Variants in HSD17B2 observed in about 807,000 individuals in gnomAD.
HSD17B2 encodes 17-beta-hydroxysteroid dehydrogenase type 2.
In HSD17B2, 32 loss-of-function variants were observed where a neutral mutation model predicts 26.9. That is an observed-to-expected ratio of 1.19 (90% CI 0.90 to 1.60). HSD17B2 has a LOEUF of 1.60. Among genes scored for constraint, HSD17B2 ranks in the 40% most tolerant of loss-of-function variants. HSD17B2 has a pLI of 0.00. For synonymous variants in HSD17B2, 246 were observed against 186.7 expected (o/e 1.32, Z -2.59); for missense variants, 613 against 468.6 (o/e 1.31, Z -2.85).
At chr16:82,048,752 A>G (rs1914015702) in intron 1 of HSD17B2, among the ~76,000 whole-genome samples, 1 of 152,242 alleles carries the variant, frequency 6.6e-6, no homozygotes, top group African/African-American at 2.4e-5. Flanking sequence ...TAGAAAGGCA[A>G]TTTACTTATA....
chr16:82,085,749 G>T (rs62046326), intron 3 of HSD17B2, among the ~76,000 whole-genome samples: 41,704 of 151,932 alleles, frequency 0.27, 6,564 homozygotes, highest in Non-Finnish European at 0.36. Context: ...CTAAGATTCT[G>T]CATGTCTATA....
At chr16:82,097,613 T>C (rs1272402058) in intron 4 of HSD17B2, 1 of 152,228 alleles carries the variant, frequency 6.6e-6, no homozygotes, top group Non-Finnish European at 1.5e-5. Context: ...TTAGAAATGA[T>C]AATAAATGCC....
intron 3 of HSD17B2, among the ~76,000 whole-genome samples, chr16:82,077,107 A>G (rs1477396274): frequency 6.6e-6 from 1 of 152,266 alleles, no homozygotes; most frequent in Non-Finnish European, 1.5e-5. Flanking sequence ...AAATCTATAG[A>G]TTCAATGCAA....
At chr16:82,044,821 A>G (rs1913871765) in intron 1 of HSD17B2, among the ~76,000 whole-genome samples, 1 of 152,124 alleles carries the variant, frequency 6.6e-6, no homozygotes. Flanking sequence ...CTAGGTCCAG[A>G]AAACCAACAC....
rs940015483 is a variant in HSD17B2 at position 82,078,422 on chromosome 16, G to A, written c.664+7295G>A. Among the ~76,000 whole-genome samples the A allele has an allele frequency of 2.0e-5, 3 of 152,198 alleles. No individual in the cohort carries two copies. In the South Asian group the frequency reaches 6.2e-4, roughly 31 times the overall value. On this transcript the variant is annotated intron_variant, in intron 3 of 4. Transcript: ENST00000199936. ...AAGGATGTGGAGAAAGAGAACCCTT[G>A]TACACTGTTCATGGGGATGTAAATT...
At position 82,055,487 on chromosome 16, in the gene HSD17B2, A is replaced by G. The variant is rs143035768; in HGVS notation, c.266-12683A>G. ...GAAGAGTACATGGCACATGCTCAAC[A>G]AAGAGCTATTGAAAGAATGAGGTAA... On this transcript the variant is annotated intron_variant, in intron 1 of 4. Transcript: ENST00000199936. Among the ~76,000 whole-genome samples, 616 of 152,130 alleles carry G rather than the reference A, an allele frequency of 4.0e-3. 2 individuals are homozygous for G. Among genetic ancestry groups the G allele is most frequent in the African/African-American group, 0.014 (588 of 41,388 alleles).
At chr16:82,068,948 C>T (rs1447328335) in intron 2 of HSD17B2, among the ~76,000 whole-genome samples, 2 of 152,126 alleles carry the variant, frequency 1.3e-5, no homozygotes, top group Non-Finnish European at 2.9e-5. Flanking sequence ...GTTACACGTG[C>T]AGGATGTGCT....
chr16:82,050,879 G>T (rs1239427234), intron 1 of HSD17B2, among the ~76,000 whole-genome samples: 1 of 152,034 alleles, frequency 6.6e-6, no homozygotes, highest in Non-Finnish European at 1.5e-5. Context: ...TTTGTCGTTG[G>T]AACTTTTCTG....
intron 3 of HSD17B2, among the ~76,000 whole-genome samples, chr16:82,073,483 C>G (rs1298191159): frequency 6.6e-6 from 1 of 152,090 alleles, no homozygotes. Context: ...CTCAGCCCCC[C>G]AAAGTTCTGG....
At chr16:82,062,328 C>T (rs1160370638) in intron 1 of HSD17B2, among the ~76,000 whole-genome samples, 2 of 152,152 alleles carry the variant, frequency 1.3e-5, no homozygotes, top group African/African-American at 4.8e-5. Context: ...AGTTTAACAC[C>T]AACCTCAGCA....
At chr16:82,090,410 T>C (rs935843377) in intron 3 of HSD17B2, among the ~76,000 whole-genome samples, 1 of 129,198 alleles carries the variant, frequency 7.7e-6, no homozygotes, top group Non-Finnish European at 1.6e-5. Context: ...CTCTGCCCCC[T>C]GGGGTCCAAG....
Position 82,035,463 on chromosome 16 carries a change from G to A in HSD17B2, c.39G>A (p.Leu13=). 6.2e-7 allele frequency: 1 copy of A among 1,613,728 alleles called. No homozygotes were observed. The highest frequency in any genetic ancestry group is 8.5e-7 in the Non-Finnish European group (1 of 1,179,842). ...TFFSDTAWIC[L]AVPTVLCGTV... is the part of the protein sequence containing the mutation. Reference sequence around the variant, plus strand: ...TCTCGGACACAGCATGGATCTGCCTGGCTGTCCCCACAGTACTATGTGGGA... The same window carrying A: ...TCTCGGACACAGCATGGATCTGCCTAGCTGTCCCCACAGTACTATGTGGGA... Residue 13 remains leucine (L), a synonymous_variant, in exon 1 of 5, where the codon CTG becomes CTA. Transcript: ENST00000199936.
chr16:82,054,208 GA>G (rs74264895), intron 1 of HSD17B2, among the ~76,000 whole-genome samples: 6,786 of 85,546 alleles, frequency 0.079, 456 homozygotes, highest in African/African-American at 0.23. Flanking sequence ...CCCACATATC[GA>G]AAAAAAAAAA....
At chr16:82,082,145 C>A (rs987089878) in intron 3 of HSD17B2, among the ~76,000 whole-genome samples, 1 of 152,144 alleles carries the variant, frequency 6.6e-6, no homozygotes, top group Non-Finnish European at 1.5e-5. Flanking sequence ...AAGTTTGGCT[C>A]CTTTGTTTTC....
intron 3 of HSD17B2, among the ~76,000 whole-genome samples, chr16:82,084,944 G>A (rs1254166636): frequency 6.6e-6 from 1 of 152,186 alleles, no homozygotes; most frequent in African/African-American, 2.4e-5. Context: ...GGACGGTCTT[G>A]AACTCCTGGC....
intron 4 of HSD17B2, chr16:82,094,623 G>T (rs1249858225): frequency 6.6e-6 from 1 of 152,224 alleles, no homozygotes. Context: ...AGAAGGCTGA[G>T]AACTCATGTT....
At chr16:82,082,781 G>C (rs77183823) in intron 3 of HSD17B2, among the ~76,000 whole-genome samples, 1 of 152,134 alleles carries the variant, frequency 6.6e-6, no homozygotes. Flanking sequence ...TTATTATGAA[G>C]GATCCATTAC....
At chr16:82,038,133 G>C (rs1320292105) in intron 1 of HSD17B2, among the ~76,000 whole-genome samples, 1 of 152,090 alleles carries the variant, frequency 6.6e-6, no homozygotes, top group Admixed American at 6.6e-5. Flanking sequence ...CAATTACAAA[G>C]ACAAATTTAA....
At chr16:82,069,316 G>C (rs967267462) in intron 2 of HSD17B2, among the ~76,000 whole-genome samples, 2 of 152,126 alleles carry the variant, frequency 1.3e-5, no homozygotes, top group African/African-American at 4.8e-5. Flanking sequence ...GTCTATCATT[G>C]ATGGGCATTT....
Sources: allele counts gnomAD v4.1 joint callset (sites outside exome capture counted in the v4.1 genomes callset), GRCh38; gene constraint gnomAD v4.1.1; transcripts MANE v1.5; gene names NCBI Gene and HGNC (gene_info 2026-07-23, HGNC 2026-07-21).